Variants in DNAJC5 observed in about 807,000 individuals in gnomAD.
DNAJC5 encodes dnaJ homolog subfamily C member 5.
Under a neutral mutation model 23.2 loss-of-function variants are expected in DNAJC5, and 1 was observed. That is an observed-to-expected ratio of 0.04 (90% CI 0.02 to 0.20). DNAJC5 has a LOEUF of 0.20. Among genes scored for constraint, DNAJC5 ranks in the 10% least tolerant of loss-of-function variants. The probability of loss-of-function intolerance (pLI) is 1.00; values close to 1 mark genes in which losing one functional copy is unlikely to be tolerated. For synonymous variants in DNAJC5, 136 were observed against 120.0 expected (o/e 1.13, Z -0.87); for missense variants, 180 against 267.0 (o/e 0.67, Z 2.27).
At position 63,929,597 on chromosome 20, in the gene DNAJC5, C is replaced by T. The variant is rs1314684476; in HGVS notation, c.321+72C>T. 23 of 1,506,530 alleles carry T rather than the reference C, an allele frequency of 1.5e-5. No individual in the cohort carries two copies. The East Asian group carries it at 1.7e-4, about 11-fold the overall frequency. 93.3% of individuals were successfully genotyped at this position (1,506,530 alleles called of 1,614,324 possible). A position where few individuals can be genotyped will look rare whatever the true frequency, so the allele number is the denominator to read the frequency against. ...GTGCGGGCACCCGAGTCTCTCCTGC[C>T]GTGCGGGCACCCGAGTCACTCCTGC... On this transcript the variant is annotated intron_variant, in intron 3 of 4. Coordinates refer to ENST00000360864, the MANE Select transcript of DNAJC5 (RefSeq NM_025219.3). This position sits in a 1 kb window ranked among gnomAD's most constrained non-coding sequence, Gnocchi z 8.6.
chr20:63,916,575 G>C (rs1259868587), intron 1 of DNAJC5, among the ~76,000 whole-genome samples: 1 of 152,202 alleles, frequency 6.6e-6, no homozygotes, highest in Non-Finnish European at 1.5e-5. Context: ...AGCGGTGCAT[G>C]TATTGTCTTG....
Position 63,931,415 on chromosome 20 carries a change from G to A in DNAJC5, c.494-50G>A. 1 of 1,503,624 alleles carries A rather than the reference G, an allele frequency of 6.7e-7. No homozygotes were observed. The highest frequency in any genetic ancestry group is 8.9e-7 in the Non-Finnish European group (1 of 1,117,578). The allele number at this position is 1,503,624 out of a possible 1,614,324, so 93.1% of individuals were successfully genotyped here. On this transcript the variant is annotated intron_variant, in intron 4 of 4. Coordinates refer to ENST00000360864, the MANE Select transcript of DNAJC5 (RefSeq NM_025219.3). This position sits in a 1 kb window ranked among gnomAD's most constrained non-coding sequence, Gnocchi z 9.6. ...TCGCTCCACAGGACCAGCGTTGGGTGCGCGCCAGGCTGTGGCCCTCGTGCA... is the reference window on the plus strand; with the variant it reads ...TCGCTCCACAGGACCAGCGTTGGGTACGCGCCAGGCTGTGGCCCTCGTGCA...
intron 1 of DNAJC5, among the ~76,000 whole-genome samples, chr20:63,918,112 T>C (rs1449549020): frequency 2.0e-5 from 3 of 151,784 alleles, no homozygotes; most frequent in African/African-American, 7.3e-5. Context: ...GGTGCAAGAG[T>C]GGATGGATCA....
Position 63,914,337 on chromosome 20 carries a change from C to T in DNAJC5, c.-11-13998C>T, listed in dbSNP as rs889839037. On this transcript the variant is annotated intron_variant, in intron 1 of 4. Coordinates refer to ENST00000360864, the MANE Select transcript of DNAJC5 (RefSeq NM_025219.3). ...CAAAGAATTTTTAGCTTTTTTGAGACGGAGTCTTGCTCTGTTGCCCAGGCT... is the reference window on the plus strand; with the variant it reads ...CAAAGAATTTTTAGCTTTTTTGAGATGGAGTCTTGCTCTGTTGCCCAGGCT... Among the ~76,000 whole-genome samples, 25 of 152,142 alleles carry T rather than the reference C, an allele frequency of 1.6e-4. 1 individual carries two copies. Among genetic ancestry groups the T allele is most frequent in the Admixed American group, 1.0e-3 (16 of 15,266 alleles).
In DNAJC5 at chr20:63,898,827, C is replaced by T. The variant is rs150314050; in HGVS notation, c.-12+3504C>T. On this transcript the variant is annotated intron_variant, in intron 1 of 4. Transcript: ENST00000360864. ...CTGCACTCCAGCCTGGGCGACAGAG[C>T]GAGACTCCCTCTCACAACAAACAAA... 3.3e-3 allele frequency among the ~76,000 whole-genome samples: 503 copies of T among 152,238 alleles called. 4 individuals are homozygous for T. The highest frequency in any genetic ancestry group is 0.012 in the African/African-American group (484 of 41,544).
rs553783518 is a variant in DNAJC5, at chr20:63,895,908, T to C, written c.-12+585T>C. 2.6e-5 allele frequency among the ~76,000 whole-genome samples: 4 copies of C among 152,356 alleles called. No individual in the cohort carries two copies. In the South Asian group the frequency reaches 8.3e-4, roughly 32 times the overall value. On this transcript the variant is annotated intron_variant, in intron 1 of 4. Coordinates refer to ENST00000360864, the MANE Select transcript of DNAJC5 (RefSeq NM_025219.3). ...GAAGCCATGCTTTATATTGAACTCT[T>C]AAGGAGAGTATTAGGAACTCGTCCG...
At chr20:63,923,075 A>G (rs1275566197) in intron 1 of DNAJC5, among the ~76,000 whole-genome samples, 2 of 152,082 alleles carry the variant, frequency 1.3e-5, no homozygotes, top group East Asian at 3.9e-4. Flanking sequence ...TGGAAGGTGG[A>G]GGTTGCAGTG....
intron 1 of DNAJC5, among the ~76,000 whole-genome samples, chr20:63,924,454 A>G (rs1247055873): frequency 6.6e-6 from 1 of 152,194 alleles, no homozygotes; most frequent in Non-Finnish European, 1.5e-5. Flanking sequence ...TGGCACGATC[A>G]TGGCTCACTG....
chr20:63,906,525 C>T (rs755605511), intron 1 of DNAJC5, among the ~76,000 whole-genome samples: 2 of 152,030 alleles, frequency 1.3e-5, no homozygotes, highest in Non-Finnish European at 2.9e-5. Flanking sequence ...TGGCTCACGC[C>T]TGTAATCCCA....
intron 1 of DNAJC5, among the ~76,000 whole-genome samples, chr20:63,918,158 C>T (rs550439573): frequency 1.1e-4 from 17 of 152,286 alleles, no homozygotes; most frequent in African/African-American, 3.9e-4. Flanking sequence ...TGTGACCACA[C>T]TGGAGATGAA....
In DNAJC5 at chr20:63,912,177, CCTGTGATCCCAGCTA is replaced by C. The variant is rs559334782; in HGVS notation, c.-11-16155_-11-16141del. Among the ~76,000 whole-genome samples, 753 of 152,154 alleles carry C rather than the reference CCTGTGATCCCAGCTA, an allele frequency of 4.9e-3. 5 individuals carry two copies. Among genetic ancestry groups the C allele is most frequent in the Non-Finnish European group, 8.1e-3 (549 of 68,000 alleles). ...AATTATCTGGGCATGGCGGCAGATGCCTGTGATCCCAGCTACTCGGGAAGCTGAGGCAGGAGAATC... is the reference window on the plus strand; with the variant it reads ...AATTATCTGGGCATGGCGGCAGATGCCTCGGGAAGCTGAGGCAGGAGAATC... On this transcript the variant is annotated intron_variant, in intron 1 of 4. Transcript: ENST00000360864.
chr20:63,902,141 G>A (rs1388973047), intron 1 of DNAJC5, among the ~76,000 whole-genome samples: 2 of 151,508 alleles, frequency 1.3e-5, no homozygotes, highest in East Asian at 1.9e-4. Context: ...TGCAAGCTCC[G>A]CCTCCCGGGT....
At position 63,928,420 on chromosome 20, in the gene DNAJC5, C is replaced by T. The variant is rs189308547; in HGVS notation, c.75C>T (p.Asn25=). The T allele has an allele frequency of 8.3e-5, 134 of 1,614,076 alleles. 1 individual carries two copies. In the East Asian group the frequency reaches 1.4e-3, roughly 17 times the overall value. ...ACCACGTCCTTGGGTTGGACAAGAA[C>T]GCAACCTCAGATGACATTAAAAAGT... ...SLYHVLGLDK[N]ATSDDIKKSY... Residue 25 remains asparagine (N), a synonymous_variant, in exon 2 of 5, where the codon AAC becomes AAT. Coordinates refer to ENST00000360864, the MANE Select transcript of DNAJC5 (RefSeq NM_025219.3). This position sits in a 1 kb window ranked among gnomAD's most constrained non-coding sequence, Gnocchi z 4.6.
chr20:63,926,859 T>C (rs1378245992), intron 1 of DNAJC5, among the ~76,000 whole-genome samples: 1 of 152,250 alleles, frequency 6.6e-6, no homozygotes, highest in Non-Finnish European at 1.5e-5. Flanking sequence ...TCATGTTTCA[T>C]CTGGGTGCCC....
At chr20:63,924,391 C>G (rs560879310) in intron 1 of DNAJC5, among the ~76,000 whole-genome samples, 4 of 152,072 alleles carry the variant, frequency 2.6e-5, no homozygotes, top group Non-Finnish European at 5.9e-5. Flanking sequence ...CTTGTTATTT[C>G]TTTTTCTTTT....
At chr20:63,904,800 T>C (rs1020171176) in intron 1 of DNAJC5, among the ~76,000 whole-genome samples, 11 of 150,274 alleles carry the variant, frequency 7.3e-5, no homozygotes, top group Non-Finnish European at 1.5e-5. Flanking sequence ...GGGGGTTTTT[T>C]TGTTTGTTTT....
intron 1 of DNAJC5, among the ~76,000 whole-genome samples, chr20:63,913,100 C>G (rs2053492927): frequency 6.6e-6 from 1 of 152,130 alleles, no homozygotes; most frequent in African/African-American, 2.4e-5. Flanking sequence ...TCTGCACTGT[C>G]TCTCCCAGAG....
At chr20:63,908,723 T>A (rs1314005620) in intron 1 of DNAJC5, among the ~76,000 whole-genome samples, 1 of 152,120 alleles carries the variant, frequency 6.6e-6, no homozygotes, top group East Asian at 1.9e-4. Context: ...GAGCTTCAGC[T>A]CAGGATTTCC....
chr20:63,924,159 ATCTG>A (rs939542389), intron 1 of DNAJC5, among the ~76,000 whole-genome samples: 9 of 151,594 alleles, frequency 5.9e-5, no homozygotes, highest in African/African-American at 2.2e-4. Context: ...GCTGTGGCTA[ATCTG>A]TCTGCTACAT....
Sources: gnomAD v4.1 joint callset for allele counts (sites outside exome capture counted in the v4.1 genomes callset) on GRCh38, gnomAD v4.1.1 for gene constraint, Gnocchi (gnomAD v3.1) non-coding constraint, MANE v1.5 for transcripts, NCBI Gene and HGNC (gene_info 2026-07-23, HGNC 2026-07-21) for gene names.